Variants in ABAT observed in about 807,000 individuals in gnomAD.
ABAT encodes the protein 4-aminobutyrate aminotransferase, mitochondrial.
A neutral mutation model predicts 64.6 loss-of-function variants in ABAT; 45 were observed. The observed-to-expected ratio is 0.70, with a 90% confidence interval of 0.55 to 0.89. The LOEUF (loss-of-function observed/expected upper bound fraction) is 0.89. Among genes scored for constraint, ABAT ranks in the 40% least tolerant of loss-of-function variants. ABAT has a pLI of 0.00. For missense variants in ABAT, 633 were observed against 658.4 expected, an observed-to-expected ratio of 0.96 and a Z score of 0.42; for synonymous variants, 297 against 250.5, an observed-to-expected ratio of 1.19 and a Z score of -1.75.
chr16:8,681,425 C>G (rs906844234), intron 1 of ABAT, among the ~76,000 whole-genome samples: 2 of 151,020 alleles, frequency 1.3e-5, no homozygotes, highest in Non-Finnish European at 1.5e-5. Context: ...ATCAGGAACT[C>G]ACAGTCTACT....
At chr16:8,703,310 G>C (rs1335658961) in intron 1 of ABAT, among the ~76,000 whole-genome samples, 1 of 151,952 alleles carries the variant, frequency 6.6e-6, no homozygotes, top group Non-Finnish European at 1.5e-5. Context: ...CAAAAAATTA[G>C]CCGGGCGTGG....
At chr16:8,741,298 G>A in intron 2 of ABAT, among the ~76,000 whole-genome samples, 1 of 152,186 alleles carries the variant, frequency 6.6e-6, no homozygotes, top group East Asian at 1.9e-4. Context: ...GAAGTGTGTT[G>A]TTTTGCTGCA....
chr16:8,703,872 G>T (rs1341614757), intron 1 of ABAT, among the ~76,000 whole-genome samples: 1 of 152,166 alleles, frequency 6.6e-6, no homozygotes, highest in Non-Finnish European at 1.5e-5. Flanking sequence ...CCATTGTAGC[G>T]CAAAGCAGCC....
chr16:8,771,316 C>A (rs1273414), intron 11 of ABAT, among the ~76,000 whole-genome samples: 130,074 of 151,322 alleles, frequency 0.86, 56,733 homozygotes, highest in East Asian at 1. Flanking sequence ...AAAAGAAAAC[C>A]AAGAAAAGTA....
chr16:8,745,576 A>G (rs759631520), intron 2 of ABAT, among the ~76,000 whole-genome samples: 20 of 152,040 alleles, frequency 1.3e-4, no homozygotes, highest in Non-Finnish European at 2.2e-4. Context: ...GCGTGCCTGT[A>G]ATCCCAGGTA....
chr16:8,717,409 G>T (rs1446156138), intron 1 of ABAT, among the ~76,000 whole-genome samples: 20 of 152,018 alleles, frequency 1.3e-4, no homozygotes, highest in Admixed American at 1.3e-3. Context: ...TTTTCATATG[G>T]CTACCAGAAA....
At chr16:8,697,508 G>C (rs75268746) in intron 1 of ABAT, among the ~76,000 whole-genome samples, 1 of 152,130 alleles carries the variant, frequency 6.6e-6, no homozygotes. Flanking sequence ...GAAATGCCCG[G>C]AACAGTCCAG....
At position 8,764,963 on chromosome 16, in the gene ABAT, A is replaced by T; in HGVS notation, c.540+133A>T. 1 of 844,844 alleles carries T rather than the reference A, an allele frequency of 1.2e-6. No individual in the cohort carries two copies. The highest frequency in any genetic ancestry group is 2.0e-6 in the Non-Finnish European group (1 of 512,716). The allele number at this position is 844,844 out of a possible 1,614,324, so 52.3% of individuals were successfully genotyped here. On this transcript the variant is annotated intron_variant, in intron 8 of 15. Transcript: ENST00000268251. The surrounding 1 kb of genome is among the most constrained non-coding windows in gnomAD (Gnocchi z 4.2). Reference sequence around the variant, plus strand: ...TCAGTACCAGGGTTAAAATACAGGGAGGGCCACTGCTGGATGGTACTTTGA... The same window carrying T: ...TCAGTACCAGGGTTAAAATACAGGGTGGGCCACTGCTGGATGGTACTTTGA...
chr16:8,707,223 G>A (rs2057966228), intron 1 of ABAT, among the ~76,000 whole-genome samples: 1 of 151,980 alleles, frequency 6.6e-6, no homozygotes, highest in Non-Finnish European at 1.5e-5. Context: ...GTCTCCCTCT[G>A]TCACCCAGGC....
In ABAT at chr16:8,781,951, G is replaced by A; in HGVS notation, c.*521G>A. The A allele has an allele frequency of 4.6e-6, 1 of 218,244 alleles. No individual in the cohort carries two copies. Among genetic ancestry groups the A allele is most frequent in the Non-Finnish European group, 9.3e-6 (1 of 107,272 alleles). The allele number at this position is 218,244 out of a possible 1,614,324, so 13.5% of individuals were successfully genotyped here. On this transcript the variant is annotated 3_prime_UTR_variant, in exon 16 of 16. Transcript: ENST00000268251. The surrounding 1 kb of genome is among the most constrained non-coding windows in gnomAD (Gnocchi z 4.5). ...CCCACGCATGGTGCAGGAGGGACTG[G>A]ACAGATCTGAGGAAGGCCGTAAAAT...
At chr16:8,772,682 A>G (rs2060147690) in intron 11 of ABAT, 98 bp from the exon 12 acceptor site, 5 of 1,527,210 alleles carry the variant, frequency 3.3e-6, no homozygotes, top group Non-Finnish European at 4.5e-6. Context: ...CACATTTCCA[A>G]TAAAATTGCA....
intron 6 of ABAT, among the ~76,000 whole-genome samples, chr16:8,760,773 C>T (rs575974913): frequency 3.9e-5 from 6 of 152,192 alleles, no homozygotes; most frequent in South Asian, 2.1e-4. Flanking sequence ...CAACACACGA[C>T]GTCAAGGCCC....
At position 8,764,764 on chromosome 16, in the gene ABAT, C is replaced by T. The variant is rs1231468734; in HGVS notation, c.474C>T (p.Leu158=). The T allele has an allele frequency of 2.5e-6, 4 of 1,614,048 alleles. No homozygotes were observed. The highest frequency in any genetic ancestry group is 2.2e-5 in the East Asian group (1 of 44,890). ...LSVAPKGMSQ[L]ITMACGSCSN... ...TGGCTCCCAAAGGGATGTCCCAGCT[C>T]ATCACCATGGCCTGCGGCTCCTGCT... The change falls in exon 8 of 16, where the codon CTC becomes CTT. Residue 158 remains leucine, a synonymous_variant. Transcript: ENST00000268251. The surrounding 1 kb of genome is among the most constrained non-coding windows in gnomAD (Gnocchi z 4.2).
chr16:8,735,935 C>G (rs1191088763), intron 2 of ABAT, 126 bp downstream of exon 2: 2 of 802,762 alleles, frequency 2.5e-6, no homozygotes, highest in Non-Finnish European at 4.2e-6. Flanking sequence ...GGGACTGTCC[C>G]ACTGTATTAG....
In ABAT at chr16:8,730,880, C is replaced by A. The variant is rs1232548819; in HGVS notation, c.-41-4819C>A. Reference sequence around the variant, plus strand: ...AACTTGCTGTGTCCTGGGTAAACCACATGGCTTCTTTTAAAAAAAATAGTT... The same window carrying A: ...AACTTGCTGTGTCCTGGGTAAACCAAATGGCTTCTTTTAAAAAAAATAGTT... On this transcript the variant is annotated intron_variant, in intron 1 of 15. Transcript: ENST00000268251. Among the ~76,000 whole-genome samples, 3 of 152,230 alleles carry A rather than the reference C, an allele frequency of 2.0e-5. No individual in the cohort carries two copies. In the South Asian group the frequency reaches 6.2e-4, roughly 31 times the overall value.
intron 5 of ABAT, among the ~76,000 whole-genome samples, chr16:8,752,665 G>A (rs1228119228): frequency 6.6e-6 from 1 of 152,110 alleles, no homozygotes; most frequent in Non-Finnish European, 1.5e-5. Flanking sequence ...TACTCTGGAG[G>A]CTCAGTCAGG....
intron 1 of ABAT, among the ~76,000 whole-genome samples, chr16:8,733,519 C>T (rs1365054604): frequency 1.3e-5 from 2 of 151,900 alleles, no homozygotes; most frequent in East Asian, 1.9e-4. Flanking sequence ...GAGATCACGC[C>T]GCTGCACTCC....
rs774718709 is a variant in ABAT at position 8,757,782 on chromosome 16, A to T, written c.342A>T (p.Lys114Asn). The change falls in exon 6 of 16, where the codon AAA (lysine) becomes AAT (asparagine). Residue 114 changes from lysine (K) to asparagine (N), a missense_variant. Coordinates refer to ENST00000268251, the MANE Select transcript of ABAT (RefSeq NM_020686.6). ...PIGYSHPALL[K>N]LIQQPQNASM... ...GTTACAGCCACCCCGCCCTGCTGAA[A>T]CTCATCCAACAGCCTCAAAATGCGG... The T allele has an allele frequency of 6.2e-7, 1 of 1,613,908 alleles. No individual in the cohort carries two copies. The highest frequency in any genetic ancestry group is 8.5e-7 in the Non-Finnish European group (1 of 1,179,954).
chr16:8,724,985 C>T (rs2058501517), intron 1 of ABAT, among the ~76,000 whole-genome samples: 1 of 150,992 alleles, frequency 6.6e-6, no homozygotes, highest in Non-Finnish European at 1.5e-5. Flanking sequence ...GGCGCCATCT[C>T]GGCTCACCGC....
Sources: gnomAD v4.1 joint callset for allele counts (sites outside exome capture counted in the v4.1 genomes callset) on GRCh38, gnomAD v4.1.1 for gene constraint, Gnocchi (gnomAD v3.1) non-coding constraint, MANE v1.5 for transcripts, NCBI Gene and HGNC (gene_info 2026-07-23, HGNC 2026-07-21) for gene names.